KLHL32: variants seen among roughly 807,000 people sequenced by gnomAD.
The protein encoded by KLHL32 is kelch like family member 32, also known as kelch-like protein 32.
KLHL32 carries 35 observed loss-of-function variants against 64.8 expected under a neutral mutation model. That is an observed-to-expected ratio of 0.54 (90% confidence interval 0.41 to 0.72). The LOEUF is 0.72. Ranked by LOEUF, KLHL32 falls within the 30% of genes least tolerant of loss-of-function variation. The pLI is 0.00. For missense variants in KLHL32, 589 were observed against 768.5 expected (o/e 0.77, Z 2.76); for synonymous variants, 259 against 281.0 (o/e 0.92, Z 0.78).
At chr6:96,982,435 T>TG (rs1562212868) in intron 3 of KLHL32, among the ~76,000 whole-genome samples, 1 of 152,172 alleles carries the variant, frequency 6.6e-6, no homozygotes, top group Non-Finnish European at 1.5e-5. Flanking sequence ...ATTGAGCCTT[T>TG]GGGGGTCATT....
chr6:97,003,407 T>C (rs1470154438), intron 3 of KLHL32, among the ~76,000 whole-genome samples: 1 of 152,166 alleles, frequency 6.6e-6, no homozygotes, highest in Admixed American at 6.6e-5. Flanking sequence ...CTTTGTTGGA[T>C]ATATAGTTTA....
At chr6:97,138,200 T>G (rs1048798195) in intron 10 of KLHL32, among the ~76,000 whole-genome samples, 2 of 152,178 alleles carry the variant, frequency 1.3e-5, no homozygotes, top group African/African-American at 2.4e-5. Flanking sequence ...TCAGCCAGGT[T>G]CAGTTAGGAG....
intron 1 of KLHL32, among the ~76,000 whole-genome samples, chr6:96,946,729 T>C (rs1771962354): frequency 6.6e-6 from 1 of 152,200 alleles, no homozygotes; most frequent in Admixed American, 6.6e-5. Context: ...CTGCTCCAAC[T>C]AGACCTAAGG....
intron 1 of KLHL32, among the ~76,000 whole-genome samples, chr6:96,945,879 C>CT (rs1441967843): frequency 2.0e-5 from 3 of 152,106 alleles, no homozygotes; most frequent in Non-Finnish European, 4.4e-5. Flanking sequence ...AATGTGGAGG[C>CT]TGACAGGGTG....
At chr6:96,992,102 G>T (rs1292598041) in intron 3 of KLHL32, among the ~76,000 whole-genome samples, 2 of 152,208 alleles carry the variant, frequency 1.3e-5, no homozygotes, top group South Asian at 2.1e-4. Context: ...TGGAGGTGAG[G>T]CGTGCACTCC....
intron 4 of KLHL32, among the ~76,000 whole-genome samples, chr6:97,056,081 CTTTTCTTTTT>C (rs1350994217): frequency 0.028 from 3,864 of 138,868 alleles, 114 homozygotes; most frequent in African/African-American, 0.073. Context: ...GCCAGCCTCC[CTTTTCTTTTT>C]TTTTCTTTTT....
At position 96,973,730 on chromosome 6, in the gene KLHL32, C is replaced by CTCTTTTTTTTTTTTTTTTTTTTTTT. The variant is rs1554208428; in HGVS notation, c.24-2266_24-2265insCTTTTTTTTTTTTTTTTTTTTTTTT. The stretch of plus-strand genomic sequence containing the variant: ...GATTTTTGAGATCTTTACAGATTGC[C>CTCTTTTTTTTTTTTTTTTTTTTTTT]TTTTTTTTTTTAGACAGAGTCTCGC... On this transcript the variant is annotated intron_variant, in intron 2 of 10. Coordinates refer to ENST00000369261, the MANE Select transcript of KLHL32 (RefSeq NM_052904.4). Among the ~76,000 whole-genome samples the CTCTTTTTTTTTTTTTTTTTTTTTTT allele has an allele frequency of 4.2e-5, 5 of 118,248 alleles. 1 individual carries two copies. Among genetic ancestry groups the CTCTTTTTTTTTTTTTTTTTTTTTTT allele is most frequent in the African/African-American group, 9.8e-5 (3 of 30,728 alleles). The allele number at this position is 118,248 out of a possible 152,430, so 77.6% of individuals were successfully genotyped here.
intron 3 of KLHL32, among the ~76,000 whole-genome samples, chr6:96,987,819 C>G (rs905484852): frequency 3.3e-5 from 5 of 152,192 alleles, no homozygotes; most frequent in South Asian, 4.1e-4. Flanking sequence ...ACCATCTGAT[C>G]TTTGACAAAC....
intron 3 of KLHL32, chr6:96,999,428 T>G: frequency 2.1e-6 from 1 of 468,074 alleles, no homozygotes; most frequent in Non-Finnish European, 2.8e-6. Flanking sequence ...TAATTTCCGT[T>G]TTTGTTTGAA....
chr6:97,061,411 C>T (rs2128149321), intron 4 of KLHL32, among the ~76,000 whole-genome samples: 1 of 145,182 alleles, frequency 6.9e-6, no homozygotes, highest in East Asian at 2.2e-4. Flanking sequence ...TTCTTGATCT[C>T]TTGTTATTAA....
rs187470442 is a variant in KLHL32 at position 97,025,735 on chromosome 6, G to A, written c.205-15757G>A. The stretch of plus-strand genomic sequence containing the variant: ...TGGTGAAGGCATGGGTTCAAGTCCC[G>A]ACTCTCCCTCTTACCAGCTTTATCG... On this transcript the variant is annotated intron_variant, in intron 3 of 10. Transcript: ENST00000369261. 7.1e-4 allele frequency among the ~76,000 whole-genome samples: 108 copies of A among 152,254 alleles called. 1 individual carries two copies. Among genetic ancestry groups the A allele is most frequent in the African/African-American group, 2.4e-3 (101 of 41,546 alleles).
chr6:97,112,684 A>T (rs1797305806), intron 6 of KLHL32, among the ~76,000 whole-genome samples: 1 of 151,776 alleles, frequency 6.6e-6, no homozygotes, highest in South Asian at 2.1e-4. Context: ...TGACCTCTTG[A>T]TCTGCCTGCC....
chr6:97,061,347 C>G (rs1433882295), intron 4 of KLHL32, among the ~76,000 whole-genome samples: 1 of 151,544 alleles, frequency 6.6e-6, no homozygotes, highest in Non-Finnish European at 1.5e-5. Context: ...TTCCCCCAGC[C>G]CGCCCCATCC....
intron 9 of KLHL32, 102 bp from the exon 10 acceptor site, chr6:97,132,551 A>G (rs1799545956): frequency 2.4e-6 from 2 of 823,430 alleles, no homozygotes; most frequent in East Asian, 5.3e-5. Context: ...GAGTATACAA[A>G]TGTGCCACAA....
chr6:97,070,228 C>T (rs1251671115), intron 5 of KLHL32, among the ~76,000 whole-genome samples: 1 of 152,092 alleles, frequency 6.6e-6, no homozygotes, highest in African/African-American at 2.4e-5. Context: ...AAACATATTA[C>T]AAGTGGTTTA....
At chr6:97,121,106 G>A (rs1798318173) in intron 7 of KLHL32, among the ~76,000 whole-genome samples, 1 of 152,144 alleles carries the variant, frequency 6.6e-6, no homozygotes, top group South Asian at 2.1e-4. Context: ...CGAATAAGTT[G>A]CACTTTGTTG....
At chr6:97,116,051 G>A (rs772891380) in intron 7 of KLHL32, among the ~76,000 whole-genome samples, 2 of 152,060 alleles carry the variant, frequency 1.3e-5, no homozygotes, top group Non-Finnish European at 2.9e-5. Flanking sequence ...TTCTCTGAGC[G>A]GTGCCTCAGT....
Position 97,020,801 on chromosome 6 carries a change from C to A in KLHL32, c.205-20691C>A, listed in dbSNP as rs991498269. On this transcript the variant is annotated intron_variant, in intron 3 of 10. Transcript: ENST00000369261. ...TGTTCCACATTCTCCAGGTTTTCCT[C>A]CCACTTGCTGGCTGCCCCTTCTGAA... Among the ~76,000 whole-genome samples the A allele has an allele frequency of 1.2e-4, 18 of 150,758 alleles. 2 individuals carry two copies. Among genetic ancestry groups the A allele is most frequent in the African/African-American group, 4.5e-4 (18 of 40,100 alleles).
intron 1 of KLHL32, among the ~76,000 whole-genome samples, chr6:96,952,644 A>T (rs1337695635): frequency 1.3e-5 from 2 of 152,222 alleles, no homozygotes; most frequent in Non-Finnish European, 2.9e-5. Flanking sequence ...CCACAAGATT[A>T]GGATTGTGAG....
Sources: allele counts gnomAD v4.1 joint callset (sites outside exome capture counted in the v4.1 genomes callset), GRCh38; gene constraint gnomAD v4.1.1; transcripts MANE v1.5; gene names NCBI Gene and HGNC (gene_info 2026-07-23, HGNC 2026-07-21).